Variants in PODXL2 observed in about 807,000 individuals in gnomAD.
PODXL2 encodes the protein podocalyxin-like protein 2.
PODXL2 carries 17 observed loss-of-function variants against 53.4 expected under a neutral mutation model. That is an observed-to-expected ratio of 0.32 (90% CI 0.22 to 0.48). The LOEUF is 0.48. Ranked by LOEUF, PODXL2 falls within the 20% of genes least tolerant of loss-of-function variation. PODXL2 has a pLI of 0.99. For synonymous variants in PODXL2, 311 were observed against 306.7 expected (o/e 1.01, Z -0.15); for missense variants, 673 against 760.0 (o/e 0.89, Z 1.35).
In PODXL2 at chr3:127,660,993, A is replaced by G; in HGVS notation, c.965A>G (p.Asp322Gly). The G allele has an allele frequency of 1.2e-6, 2 of 1,614,198 alleles. No homozygotes were observed. The highest frequency in any genetic ancestry group is 1.7e-6 in the Non-Finnish European group (2 of 1,180,040). The change falls in exon 3 of 8, where the codon GAT (aspartate) becomes GGT (glycine). Residue 322 changes from aspartate to glycine, a missense_variant. Physicochemically the swap from Asp to Gly is moderately conservative, Grantham distance 94. Around this residue, in one of 3 missense-constraint regions of PODXL2, gnomAD observed 588 missense variants for 668.3 expected, o/e 0.88. Coordinates refer to ENST00000342480, the MANE Select transcript of PODXL2 (RefSeq NM_015720.4). ...GCTCCCAGTGGGGCCGAGCACCCAG[A>G]TGAAGATCCCCTTGGCTCTAGAACC... is the stretch of plus-strand genomic sequence containing the variant. ...TTAPSGAEHP[D>G]EDPLGSRTSA...
chr3:127,668,106 G>A (rs1455503081), intron 4 of PODXL2, among the ~76,000 whole-genome samples: 25 of 23,204 alleles, frequency 1.1e-3, no homozygotes, highest in African/African-American at 2.3e-3. Context: ...GGCTGCGTGT[G>A]TGTGTGTGTG....
At chr3:127,671,797 G>C (rs960746258) in intron 7 of PODXL2, among the ~76,000 whole-genome samples, 184 bp downstream of exon 7, 7 of 152,206 alleles carry the variant, frequency 4.6e-5, no homozygotes, top group African/African-American at 1.7e-4. Context: ...AGGTGCCAGA[G>C]GTGCAGGGAG....
chr3:127,630,261 G>A (rs933971341), intron 1 of PODXL2, among the ~76,000 whole-genome samples: 5 of 152,176 alleles, frequency 3.3e-5, no homozygotes, highest in South Asian at 2.1e-4. Context: ...GCAGAGCAGA[G>A]GGAGTGTGTT....
chr3:127,636,539 A>T (rs778818116), intron 1 of PODXL2, among the ~76,000 whole-genome samples: 1 of 152,246 alleles, frequency 6.6e-6, no homozygotes, highest in Non-Finnish European at 1.5e-5. Flanking sequence ...GAAACCACAA[A>T]ATATGAGATG....
chr3:127,658,996 T>C (rs1469174673), intron 2 of PODXL2, among the ~76,000 whole-genome samples: 1 of 152,206 alleles, frequency 6.6e-6, no homozygotes, highest in Non-Finnish European at 1.5e-5. Context: ...CTTTTTTTTT[T>C]CCCAGCCATT....
At position 127,671,503 on chromosome 3, in the gene PODXL2, G is replaced by T. The variant is rs146794164; in HGVS notation, c.1495G>T (p.Gly499Cys). ...GGCCAGCCAGGTGCGCAGCGACTAC[G>T]GCACGCTCTTCGTGGTGCTGGTGGT... is the stretch of plus-strand genomic sequence containing the variant. ...ARASQVRSDY[G>C]TLFVVLVVIG... is the part of the protein sequence containing the mutation. The change falls in exon 7 of 8, where the codon GGC becomes TGC. Residue 499 changes from glycine (G) to cysteine (C), a missense_variant. Physicochemically the swap from Gly to Cys is radical, Grantham distance 159. Around this residue, in one of 3 missense-constraint regions of PODXL2, gnomAD observed 588 missense variants for 668.3 expected, o/e 0.88. Transcript: ENST00000342480. 1 of 1,614,146 alleles carries T rather than the reference G, an allele frequency of 6.2e-7. No individual in the cohort carries two copies. Among genetic ancestry groups the T allele is most frequent in the African/African-American group, 1.3e-5 (1 of 75,050 alleles).
At chr3:127,668,640 G>A (rs1263098252) in intron 5 of PODXL2, 43 bp downstream of exon 5, 2 of 1,454,364 alleles carry the variant, frequency 1.4e-6, no homozygotes, top group African/African-American at 1.4e-5. Flanking sequence ...AGGGCAGTGG[G>A]AGGCGGGCGG....
chr3:127,659,623 G>A (rs1233564389), intron 2 of PODXL2, among the ~76,000 whole-genome samples: 1 of 152,178 alleles, frequency 6.6e-6, no homozygotes, highest in Non-Finnish European at 1.5e-5. Flanking sequence ...TTATTTGGAA[G>A]AGGCCTAGGG....
Position 127,639,321 on chromosome 3 carries a change from C to T in PODXL2, c.147C>T (p.Asp49=), listed in dbSNP as rs1391838377. ...GCCTCACCTCCACCTCCCTGCTAGA[C>T]CTCCTGCTGCCCACTGGCTTGGAGC... is the stretch of plus-strand genomic sequence containing the variant. ...PEGLTSTSLL[D]LLLPTGLEPL... Residue 49 remains aspartate (D), a synonymous_variant, in exon 2 of 8, where the codon GAC becomes GAT. Coordinates refer to ENST00000342480, the MANE Select transcript of PODXL2 (RefSeq NM_015720.4). 1.2e-6 allele frequency: 2 copies of T among 1,614,076 alleles called. No homozygotes were observed. Among genetic ancestry groups the T allele is most frequent in the Admixed American group, 1.7e-5 (1 of 60,030 alleles).
rs1172194208 is a variant in PODXL2, at chr3:127,629,225, C to G, written c.6C>G (p.Gly2=). Residue 2 remains glycine (G), a synonymous_variant, in exon 1 of 8, where the codon GGC becomes GGG. Transcript: ENST00000342480. The surrounding 1 kb of genome is among the most constrained non-coding windows in gnomAD (Gnocchi z 6.4). M[G]RLLRAARLPP... is the part of the protein sequence containing the mutation. ...CAGGCGGCGACGGCTACACCATGGG[C>G]CGGCTGCTGCGGGCCGCCCGGCTGC... The G allele has an allele frequency of 1.0e-6, 1 of 994,990 alleles. No individual in the cohort carries two copies. Among genetic ancestry groups the G allele is most frequent in the Non-Finnish European group, 1.2e-6 (1 of 837,108 alleles). The allele number at this position is 994,990 out of a possible 1,614,324, so 61.6% of individuals were successfully genotyped here.
intron 1 of PODXL2, among the ~76,000 whole-genome samples, chr3:127,636,223 G>A (rs1279180783): frequency 2.0e-5 from 3 of 152,234 alleles, no homozygotes; most frequent in Non-Finnish European, 2.9e-5. Flanking sequence ...CTCTCAGGAA[G>A]AACCTTAAGA....
At chr3:127,668,842 T>A (rs181127402) in intron 5 of PODXL2, among the ~76,000 whole-genome samples, 72 of 151,846 alleles carry the variant, frequency 4.7e-4, no homozygotes, top group Non-Finnish European at 3.1e-4. Flanking sequence ...CCAGCACAGG[T>A]GGGAGATGAA....
chr3:127,629,385 CGGCGCCGCCG>C lies in PODXL2; in HGVS notation c.70+99_70+108del. 1.1e-6 allele frequency: 1 copy of C among 922,748 alleles called. No homozygotes were observed. Among genetic ancestry groups the C allele is most frequent in the Non-Finnish European group, 1.3e-6 (1 of 772,120 alleles). 57.2% of individuals were successfully genotyped at this position (922,748 alleles called of 1,614,324 possible). On this transcript the variant is annotated intron_variant, in intron 1 of 7. Transcript: ENST00000342480. The surrounding 1 kb of genome is among the most constrained non-coding windows in gnomAD (Gnocchi z 6.4). ...GGCCGCCAACAAAGGGGCCAGAGTG[CGGCGCCGCCG>C]GGAGCGCGCGTGTCCCGGCCGGGCC...
chr3:127,637,755 T>A (rs190337775), intron 1 of PODXL2, among the ~76,000 whole-genome samples: 2 of 152,324 alleles, frequency 1.3e-5, no homozygotes, highest in Non-Finnish European at 2.9e-5. Flanking sequence ...CCCCTGTGGC[T>A]GGATGTGGCA....
intron 4 of PODXL2, among the ~76,000 whole-genome samples, chr3:127,666,849 C>T (rs1386100927): frequency 6.6e-6 from 1 of 152,216 alleles, no homozygotes; most frequent in Non-Finnish European, 1.5e-5. Context: ...GGGCTTAAGC[C>T]AGGCAGACAT....
intron 6 of PODXL2, among the ~76,000 whole-genome samples, chr3:127,670,801 G>A (rs985727795): frequency 4.6e-5 from 7 of 152,174 alleles, no homozygotes; most frequent in Non-Finnish European, 8.8e-5. Flanking sequence ...GGCCCCTGGC[G>A]CCGATCTCCT....
chr3:127,640,051 C>A (rs963352733), intron 2 of PODXL2, among the ~76,000 whole-genome samples: 1 of 152,242 alleles, frequency 6.6e-6, no homozygotes, highest in African/African-American at 2.4e-5. Flanking sequence ...TTCCCTCAGT[C>A]ATGCACCAGA....
At chr3:127,642,071 C>A (rs934210975) in intron 2 of PODXL2, among the ~76,000 whole-genome samples, 1 of 151,838 alleles carries the variant, frequency 6.6e-6, no homozygotes, top group African/African-American at 2.4e-5. Context: ...GTGGGCAGAT[C>A]ATGAGGTCCG....
Position 127,657,363 on chromosome 3 carries a change from T to C in PODXL2, c.350-3015T>C, listed in dbSNP as rs189063291. ...TATTCCTGCCATATCCTAGGCTGCA[T>C]TGAATCCATCAGCTATTTTAAGTGC... On this transcript the variant is annotated intron_variant, in intron 2 of 7. Coordinates refer to ENST00000342480, the MANE Select transcript of PODXL2 (RefSeq NM_015720.4). Among the ~76,000 whole-genome samples the C allele has an allele frequency of 5.3e-3, 805 of 152,352 alleles. 7 individuals carry two copies. Among genetic ancestry groups the C allele is most frequent in the African/African-American group, 0.018 (752 of 41,580 alleles).
Sources: allele counts gnomAD v4.1 joint callset (sites outside exome capture counted in the v4.1 genomes callset), GRCh38; gene constraint gnomAD v4.1.1; regional missense constraint gnomAD v4.1.1; non-coding constraint Gnocchi (gnomAD v3.1); transcripts MANE v1.5; gene names NCBI Gene and HGNC (gene_info 2026-07-23, HGNC 2026-07-21).